The following OR9Q1 variants were observed in gnomAD, a reference collection of about 807,000 sequenced individuals.
OR9Q1 encodes olfactory receptor 9Q1.
For synonymous variants in OR9Q1, 153 were observed against 148.6 expected, an observed-to-expected ratio of 1.03 and a Z score of -0.22; for missense variants, 374 against 378.8, an observed-to-expected ratio of 0.99 and a Z score of 0.11.
chr11:58,080,207 T>A (rs1343331118), intron 2 of OR9Q1, among the ~76,000 whole-genome samples: 2 of 152,186 alleles, frequency 1.3e-5, no homozygotes, highest in African/African-American at 4.8e-5. Flanking sequence ...GTGTGCTCAA[T>A]GTTTAGCTCC....
At chr11:58,129,827 T>C (rs1854124074) in intron 2 of OR9Q1, among the ~76,000 whole-genome samples, 1 of 152,190 alleles carries the variant, frequency 6.6e-6, no homozygotes, top group Non-Finnish European at 1.5e-5. Context: ...TATTAGAATA[T>C]AAGCTATAAG....
chr11:58,075,134 TTC>T (rs1853527239), intron 2 of OR9Q1, among the ~76,000 whole-genome samples: 1 of 152,246 alleles, frequency 6.6e-6, no homozygotes, highest in African/African-American at 2.4e-5. Context: ...TTTTTTCTAA[TTC>T]TGTGAAGAAA....
chr11:58,173,801 G>A (rs1000903322), intron 2 of OR9Q1, among the ~76,000 whole-genome samples: 3 of 152,120 alleles, frequency 2.0e-5, no homozygotes, highest in Non-Finnish European at 4.4e-5. Context: ...TCTAGTGGGA[G>A]CATTTATTGT....
chr11:58,039,996 A>T (rs900819917), intron 1 of OR9Q1, among the ~76,000 whole-genome samples: 4 of 152,222 alleles, frequency 2.6e-5, no homozygotes, highest in Non-Finnish European at 4.4e-5. Context: ...TTAACACCTC[A>T]TTGATAATAT....
chr11:58,092,497 C>T (rs1853694081), intron 2 of OR9Q1, among the ~76,000 whole-genome samples: 1 of 151,804 alleles, frequency 6.6e-6, no homozygotes, highest in South Asian at 2.1e-4. Flanking sequence ...TTGTTGCTAT[C>T]AACTATTTTA....
intron 2 of OR9Q1, among the ~76,000 whole-genome samples, chr11:58,083,765 T>G (rs1853610902): frequency 6.6e-6 from 1 of 151,768 alleles, no homozygotes; most frequent in Non-Finnish European, 1.5e-5. Context: ...GATCACATGG[T>G]TGTAGGTGTG....
At chr11:58,040,182 C>T (rs936591022) in intron 1 of OR9Q1, among the ~76,000 whole-genome samples, 1 of 152,186 alleles carries the variant, frequency 6.6e-6, no homozygotes, top group Non-Finnish European at 1.5e-5. Flanking sequence ...GGTTCCCTCT[C>T]CTGGCATCAG....
intron 2 of OR9Q1, among the ~76,000 whole-genome samples, chr11:58,102,558 G>GTTTTT (rs144193690): frequency 6.8e-6 from 1 of 147,470 alleles, no homozygotes; most frequent in South Asian, 2.1e-4. Context: ...TGGGTGGCAG[G>GTTTTT]TTTTTTTTTT....
chr11:58,123,344 C>A (rs931985572), intron 2 of OR9Q1, among the ~76,000 whole-genome samples: 5 of 152,182 alleles, frequency 3.3e-5, no homozygotes, highest in Non-Finnish European at 2.9e-5. Context: ...AATTTCAACA[C>A]CTTTCTCAGT....
chr11:58,038,680 C>G (rs952033814), intron 1 of OR9Q1, among the ~76,000 whole-genome samples: 13 of 152,260 alleles, frequency 8.5e-5, no homozygotes, highest in Admixed American at 7.2e-4. Flanking sequence ...AAATCAGAAC[C>G]CTACAGTTTT....
intron 2 of OR9Q1, among the ~76,000 whole-genome samples, chr11:58,101,707 T>C (rs1853784850): frequency 6.6e-6 from 1 of 152,148 alleles, no homozygotes; most frequent in Non-Finnish European, 1.5e-5. Flanking sequence ...ATTCTTTGCC[T>C]AGGTCAATGT....
At chr11:58,141,191 C>G (rs1028498203) in intron 2 of OR9Q1, among the ~76,000 whole-genome samples, 2 of 152,080 alleles carry the variant, frequency 1.3e-5, no homozygotes, top group African/African-American at 4.8e-5. Flanking sequence ...TCCTCTTTTC[C>G]TAATTGAATA....
At chr11:58,158,189 T>C (rs1854425291) in intron 2 of OR9Q1, among the ~76,000 whole-genome samples, 1 of 152,208 alleles carries the variant, frequency 6.6e-6, no homozygotes. Flanking sequence ...TTCTTTAAAC[T>C]AACTTTCTCT....
chr11:58,179,453 G>A lies in OR9Q1; in HGVS notation c.9G>A (p.Glu3=). ...CAGGGACCACTGGTGTCATGGCAGA[G>A]ATGAACCTCACCTTGGTGACCGAGT... MA[E]MNLTLVTEFL... is the part of the protein sequence containing the mutation. Residue 3 remains glutamate (E), a synonymous_variant, in exon 3 of 3, where the codon GAG becomes GAA. Transcript: ENST00000335397. 6.4e-7 allele frequency: 1 copy of A among 1,563,006 alleles called. No individual in the cohort carries two copies. Among genetic ancestry groups the A allele is most frequent in the South Asian group, 1.2e-5 (1 of 81,660 alleles).
Position 58,116,266 on chromosome 11 carries a change from C to T in OR9Q1, c.-15+60319C>T, listed in dbSNP as rs148379870. On this transcript the variant is annotated intron_variant, in intron 2 of 2. Transcript: ENST00000335397. ...TCCCCAGGCCAGAAGAAAGAAAAAC[C>T]GAAGGAAAGTGTTTTGAGTTTTGTG... Among the ~76,000 whole-genome samples, 124 of 152,216 alleles carry T rather than the reference C, an allele frequency of 8.1e-4. 1 individual carries two copies. Among genetic ancestry groups the T allele is most frequent in the African/African-American group, 2.6e-3 (109 of 41,540 alleles).
At chr11:58,029,141 T>C (rs1420553702) in intron 1 of OR9Q1, among the ~76,000 whole-genome samples, 3 of 152,174 alleles carry the variant, frequency 2.0e-5, no homozygotes, top group Non-Finnish European at 2.9e-5. Context: ...GATTTTTAAT[T>C]TGGGGAGGGC....
chr11:58,034,154 C>T (rs1484910134), intron 1 of OR9Q1, among the ~76,000 whole-genome samples: 6 of 141,144 alleles, frequency 4.3e-5, no homozygotes, highest in African/African-American at 1.1e-4. Context: ...GGCGTGATCT[C>T]GGCTCACTGC....
At chr11:58,063,135 A>G (rs1224895000) in intron 2 of OR9Q1, among the ~76,000 whole-genome samples, 2 of 152,188 alleles carry the variant, frequency 1.3e-5, no homozygotes, top group Non-Finnish European at 2.9e-5. Flanking sequence ...GCAGTTTCAT[A>G]TAGGGCAGTT....
intron 2 of OR9Q1, among the ~76,000 whole-genome samples, chr11:58,093,759 CAAAAAAAAAA>C (rs71061572): frequency 5.6e-5 from 2 of 35,562 alleles, no homozygotes; most frequent in African/African-American, 9.8e-5. Context: ...GACTTCATCT[CAAAAAAAAAA>C]AAAAAAAAAA....
Sources: allele counts gnomAD v4.1 joint callset (sites outside exome capture counted in the v4.1 genomes callset), GRCh38; gene constraint gnomAD v4.1.1; transcripts MANE v1.5; gene names NCBI Gene and HGNC (gene_info 2026-07-23, HGNC 2026-07-21).